The following KDM1B variants were observed in gnomAD, a reference collection of about 807,000 sequenced individuals.
KDM1B encodes the protein lysine-specific histone demethylase 2.
A neutral mutation model predicts 107.4 loss-of-function variants in KDM1B; 63 were observed. The observed-to-expected ratio is 0.59, with a 90% CI of 0.48 to 0.72. The LOEUF (loss-of-function observed/expected upper bound fraction) is 0.72, where lower values mean the gene tolerates loss of function less well. Ranked by LOEUF, KDM1B falls within the 30% of genes least tolerant of loss-of-function variation. The pLI is 0.00. For synonymous variants in KDM1B, 363 were observed against 363.9 expected (o/e 1.00, Z 0.03); for missense variants, 749 against 1,020.8 (o/e 0.73, Z 3.63).
rs759063603 is a variant in KDM1B at position 18,222,104 on chromosome 6, A to C, written c.*112A>C. 8.4e-6 allele frequency: 8 copies of C among 947,566 alleles called. No individual in the cohort carries two copies. The highest frequency in any genetic ancestry group is 1.4e-5 in the Non-Finnish European group (8 of 580,146). 58.7% of individuals were successfully genotyped at this position (947,566 alleles called of 1,614,324 possible). On this transcript the variant is annotated 3_prime_UTR_variant, in exon 22 of 22. Transcript: ENST00000650836. ...AAACCGTCTCTACATAGTAAAACTG[A>C]AATGTTTCTAAGGCGATATGATAAT... is the stretch of plus-strand genomic sequence containing the variant.
chr6:18,221,720 G>A (rs1010641341), intron 21 of KDM1B, among the ~76,000 whole-genome samples, 189 bp from the exon 22 acceptor site: 1 of 152,182 alleles, frequency 6.6e-6, no homozygotes. Flanking sequence ...AGCATACAAT[G>A]AGTGAATTTG....
chr6:18,202,359 C>G (rs1788093619), intron 14 of KDM1B, among the ~76,000 whole-genome samples: 1 of 151,512 alleles, frequency 6.6e-6, no homozygotes, highest in Admixed American at 6.6e-5. Context: ...ATGATCCCAC[C>G]ACTGCACTCC....
chr6:18,186,698 CTT>C lies in KDM1B; in HGVS notation c.573+889_573+890del, dbSNP rs1582139305. Among the ~76,000 whole-genome samples, 3 of 152,058 alleles carry C rather than the reference CTT, an allele frequency of 2.0e-5. No individual in the cohort carries two copies. Among genetic ancestry groups the C allele is most frequent in the Admixed American group, 2.0e-4 (3 of 15,274 alleles). ...GCATGGCTGGGGAGGCCTCAGGAAA[CTT>C]AGAATCATGGCAGAAGAGGAAGCAA... On this transcript the variant is annotated intron_variant, in intron 8 of 21. Coordinates refer to ENST00000650836, the MANE Select transcript of KDM1B (RefSeq NM_001364614.2). The surrounding 1 kb of genome is among the most constrained non-coding windows in gnomAD (Gnocchi z 5.6).
rs191558523 is a variant in KDM1B, at chr6:18,213,731, A to C, written c.2059A>C (p.Ser687Arg). 1 of 1,614,134 alleles carries C rather than the reference A, an allele frequency of 6.2e-7. No individual in the cohort carries two copies. Among genetic ancestry groups the C allele is most frequent in the East Asian group, 2.2e-5 (1 of 44,884 alleles). Residue 687 changes from serine (S) to arginine (R), a missense_variant, in exon 19 of 22, where the codon AGT becomes CGT. Physicochemically the swap from Ser to Arg is moderately radical, Grantham distance 110. Coordinates refer to ENST00000650836, the MANE Select transcript of KDM1B (RefSeq NM_001364614.2). The surrounding 1 kb of genome is among the most constrained non-coding windows in gnomAD (Gnocchi z 5.9). ...GADFFGHVPP[S>R]ASKRGLFAVF... is the part of the protein sequence containing the mutation. ...TGACTTTTTTGGTCACGTTCCTCCC[A>C]GTGCCAGCAAGCGAGGGCTTTTTGC...
intron 9 of KDM1B, among the ~76,000 whole-genome samples, chr6:18,189,416 CTT>C (rs1266002030): frequency 1.3e-5 from 2 of 152,186 alleles, no homozygotes; most frequent in Non-Finnish European, 2.9e-5. Flanking sequence ...AACAGACACT[CTT>C]TGACCCAGCA....
intron 7 of KDM1B, among the ~76,000 whole-genome samples, chr6:18,185,394 C>T (rs1294324994): frequency 1.3e-5 from 2 of 151,972 alleles, no homozygotes; most frequent in African/African-American, 2.4e-5. Context: ...CTCCACTTTC[C>T]GGGTCCCAGT....
Position 18,211,387 on chromosome 6 carries a change from T to G in KDM1B, c.1867-1101T>G, listed in dbSNP as rs1788840327. On this transcript the variant is annotated intron_variant, in intron 17 of 21. Coordinates refer to ENST00000650836, the MANE Select transcript of KDM1B (RefSeq NM_001364614.2). The surrounding 1 kb of genome is among the most constrained non-coding windows in gnomAD (Gnocchi z 5.2). Reference sequence around the variant, plus strand: ...CTCTTCCCCAACTCCCTACAGCAGGTTTCTAAACATCCATCCAGCCCAGCC... The same window carrying G: ...CTCTTCCCCAACTCCCTACAGCAGGGTTCTAAACATCCATCCAGCCCAGCC... 1 of 152,234 alleles carries G rather than the reference T, an allele frequency of 6.6e-6. No individual in the cohort carries two copies. Among genetic ancestry groups the G allele is most frequent in the Non-Finnish European group, 1.5e-5 (1 of 68,102 alleles). The allele number at this position is 152,234 out of a possible 1,614,324, so 9.4% of individuals were successfully genotyped here.
Position 18,212,423 on chromosome 6 carries a change from C to A in KDM1B, c.1867-65C>A. 1.1e-6 allele frequency: 1 copy of A among 935,562 alleles called. No homozygotes were observed. The highest frequency in any genetic ancestry group is 1.8e-6 in the Non-Finnish European group (1 of 561,920). 58.0% of individuals were successfully genotyped at this position (935,562 alleles called of 1,614,324 possible). A position where few individuals can be genotyped will look rare whatever the true frequency, so the allele number is the denominator to read the frequency against. On this transcript the variant is annotated intron_variant, in intron 17 of 21. Transcript: ENST00000650836. This position sits in a 1 kb window ranked among gnomAD's most constrained non-coding sequence, Gnocchi z 5.2. The stretch of plus-strand genomic sequence containing the variant: ...AGTATAACAGCATGGGTTGTTGATA[C>A]CAGTGTAGTGGTAGTGTGAGGTTCT...
intron 7 of KDM1B, among the ~76,000 whole-genome samples, chr6:18,183,410 C>T (rs1231805421): frequency 1.3e-5 from 2 of 151,586 alleles, no homozygotes; most frequent in Non-Finnish European, 2.9e-5. Flanking sequence ...TGGTGCCCGC[C>T]ACCACACCTG....
In KDM1B at chr6:18,222,293, C is replaced by G. The variant is rs1052296050; in HGVS notation, c.*301C>G. ...GGCCATGGATTTGATTGTTCCATGG[C>G]TGGAAGTTCCCTTTAGATTTCACAT... is the stretch of plus-strand genomic sequence containing the variant. On this transcript the variant is annotated 3_prime_UTR_variant, in exon 22 of 22. Coordinates refer to ENST00000650836, the MANE Select transcript of KDM1B (RefSeq NM_001364614.2). 1.1e-5 allele frequency: 5 copies of G among 456,628 alleles called. No individual in the cohort carries two copies. The Admixed American group carries it at 1.6e-4, about 14-fold the overall frequency. The allele number at this position is 456,628 out of a possible 1,614,324, so 28.3% of individuals were successfully genotyped here.
chr6:18,173,416 C>T (rs1424823176), intron 7 of KDM1B, among the ~76,000 whole-genome samples: 1 of 152,008 alleles, frequency 6.6e-6, no homozygotes, highest in Non-Finnish European at 1.5e-5. Flanking sequence ...CTGGATATAA[C>T]CATGTATTTT....
chr6:18,179,849 CCTTTTTTTTTTTTTTT>C (rs1786321977), intron 7 of KDM1B, among the ~76,000 whole-genome samples: 1 of 96,236 alleles, frequency 1.0e-5, no homozygotes, highest in African/African-American at 4.2e-5. Flanking sequence ...GGTTTTTTTT[CCTTTTTTTTTTTTTTT>C]TTTTTTTTTT....
chr6:18,161,467 G>T lies in KDM1B; in HGVS notation c.215+13G>T, dbSNP rs1435088143. 7 of 1,613,092 alleles carry T rather than the reference G, an allele frequency of 4.3e-6. No homozygotes were observed. The Middle Eastern group carries it at 9.9e-4, about 227-fold the overall frequency. On this transcript the variant is annotated intron_variant, in intron 4 of 21. Transcript: ENST00000650836. ...GTGCTTCTGAAAGGTCTGTTTAGAT[G>T]TGTGTCTTGGCCTCCCATTTCTGCT...
intron 7 of KDM1B, among the ~76,000 whole-genome samples, chr6:18,178,010 T>C (rs1392792121): frequency 6.6e-6 from 1 of 152,186 alleles, no homozygotes; most frequent in Non-Finnish European, 1.5e-5. Flanking sequence ...TGAGGATATC[T>C]TTTGTGCCTT....
chr6:18,197,715 C>G lies in KDM1B; in HGVS notation c.1221+54C>G. ...CAGATGGTTGACTGCTCCTTTTGGT[C>G]CAAATTTCTAAGATTTAGAAACCAG... On this transcript the variant is annotated intron_variant, in intron 12 of 21. Coordinates refer to ENST00000650836, the MANE Select transcript of KDM1B (RefSeq NM_001364614.2). This position sits in a 1 kb window ranked among gnomAD's most constrained non-coding sequence, Gnocchi z 4.5. The G allele has an allele frequency of 7.6e-7, 1 of 1,308,334 alleles. No homozygotes were observed. Among genetic ancestry groups the G allele is most frequent in the Non-Finnish European group, 1.1e-6 (1 of 923,734 alleles). The allele number at this position is 1,308,334 out of a possible 1,614,324, so 81.0% of individuals were successfully genotyped here. A position where few individuals can be genotyped will look rare whatever the true frequency, so the allele number is the denominator to read the frequency against.
intron 7 of KDM1B, among the ~76,000 whole-genome samples, chr6:18,173,238 C>T (rs1785779618): frequency 6.6e-6 from 1 of 152,086 alleles, no homozygotes; most frequent in Non-Finnish European, 1.5e-5. Context: ...TATAGCCATT[C>T]TAATGGGTAT....
intron 14 of KDM1B, among the ~76,000 whole-genome samples, chr6:18,202,807 C>T (rs1170711891): frequency 3.9e-5 from 6 of 152,140 alleles, no homozygotes; most frequent in Admixed American, 2.0e-4. Context: ...CCTGTGGCAA[C>T]CCACCACCTC....
At chr6:18,174,005 C>T (rs955287183) in intron 7 of KDM1B, among the ~76,000 whole-genome samples, 1 of 152,112 alleles carries the variant, frequency 6.6e-6, no homozygotes, top group Non-Finnish European at 1.5e-5. Flanking sequence ...AGGCTGGTCT[C>T]GGACTCCTGA....
intron 9 of KDM1B, among the ~76,000 whole-genome samples, chr6:18,188,308 C>T (rs1787021793): frequency 6.6e-6 from 1 of 152,156 alleles, no homozygotes; most frequent in Non-Finnish European, 1.5e-5. Context: ...AATGGTTGTA[C>T]TGTGGATCAG....
Sources: gnomAD v4.1 joint callset for allele counts (sites outside exome capture counted in the v4.1 genomes callset) on GRCh38, gnomAD v4.1.1 for gene constraint, Gnocchi (gnomAD v3.1) non-coding constraint, MANE v1.5 for transcripts, NCBI Gene and HGNC (gene_info 2026-07-23, HGNC 2026-07-21) for gene names.